FBXW10: variants seen among roughly 807,000 people sequenced by gnomAD.
FBXW10 encodes F-box and WD repeat domain containing 10, also known as F-box/WD repeat-containing protein 10.
A neutral mutation model predicts 113.1 loss-of-function variants in FBXW10; 68 were observed. That is an observed-to-expected ratio of 0.60 (90% CI 0.49 to 0.74). FBXW10 has a LOEUF of 0.74. Among genes scored for constraint, FBXW10 ranks in the 30% least tolerant of loss-of-function variants. The pLI is 0.00. For missense variants in FBXW10, 753 were observed against 1,284.5 expected, an observed-to-expected ratio of 0.59 and a Z score of 6.32; for synonymous variants, 289 against 481.6, an observed-to-expected ratio of 0.60 and a Z score of 5.24.
In FBXW10 at chr17:18,744,511, G is replaced by T; in HGVS notation, c.267G>T (p.Arg89Ser). The change falls in exon 1 of 14, where the codon AGG (arginine) becomes AGT (serine). Residue 89 changes from arginine to serine, a missense_variant. Coordinates refer to ENST00000395665, the MANE Select transcript of FBXW10 (RefSeq NM_001267585.2). ...AGGGAAAGGATTTCATCTATAACAG[G>T]TCCCGGATCAACCTCAGCAAGAAAG... ...TTQGKDFIYN[R>S]SRINLSKKEG... is the part of the protein sequence containing the mutation. 3 of 1,613,882 alleles carry T rather than the reference G, an allele frequency of 1.9e-6. No homozygotes were observed. Among genetic ancestry groups the T allele is most frequent in the Non-Finnish European group, 1.7e-6 (2 of 1,179,868 alleles).
rs17852531 is a variant in FBXW10, at chr17:18,749,875, G to A, written c.824G>A (p.Arg275Gln). The change falls in exon 3 of 14, where the codon CGA becomes CAA. Residue 275 changes from arginine to glutamine, a missense_variant. Coordinates refer to ENST00000395665, the MANE Select transcript of FBXW10 (RefSeq NM_001267585.2). Reference protein sequence around the residue: ...RDLSSGFSKYRDFIRYLPIHL... With the variant: ...RDLSSGFSKYQDFIRYLPIHL... Reference sequence around the variant, plus strand: ...CTGTCTTCTGGGTTCAGCAAATACCGAGACTTCATCCGTTACCTGCCCATC... The same window carrying A: ...CTGTCTTCTGGGTTCAGCAAATACCAAGACTTCATCCGTTACCTGCCCATC... 4.3e-6 allele frequency: 7 copies of A among 1,613,518 alleles called. No individual in the cohort carries two copies. The highest frequency in any genetic ancestry group is 2.2e-5 in the East Asian group (1 of 44,880).
In FBXW10 at chr17:18,744,167, T is replaced by C; in HGVS notation, c.-78T>C. On this transcript the variant is annotated 5_prime_UTR_variant, in exon 1 of 14. Transcript: ENST00000395665. ...AGGCACAACTGGGGTATTTATTCAT[T>C]CCCCCCGTTCCTCTAGTGTTTGGTG... is the stretch of plus-strand genomic sequence containing the variant. 6.5e-7 allele frequency: 1 copy of C among 1,532,038 alleles called. No individual in the cohort carries two copies. Among genetic ancestry groups the C allele is most frequent in the South Asian group, 1.3e-5 (1 of 77,134 alleles). 94.9% of individuals were successfully genotyped at this position (1,532,038 alleles called of 1,614,324 possible).
chr17:18,744,515 C>T lies in FBXW10; in HGVS notation c.271C>T (p.Arg91Trp), dbSNP rs767824789. Residue 91 changes from arginine to tryptophan, a missense_variant, in exon 1 of 14, where the codon CGG (arginine) becomes TGG (tryptophan). Arg to Trp is a moderately radical substitution (Grantham distance 101). Coordinates refer to ENST00000395665, the MANE Select transcript of FBXW10 (RefSeq NM_001267585.2). ...QGKDFIYNRSRINLSKKEGKV... is the reference protein window; with the variant it reads ...QGKDFIYNRSWINLSKKEGKV... Reference sequence around the variant, plus strand: ...AAAGGATTTCATCTATAACAGGTCCCGGATCAACCTCAGCAAGAAAGAGGG... The same window carrying T: ...AAAGGATTTCATCTATAACAGGTCCTGGATCAACCTCAGCAAGAAAGAGGG... 5.0e-6 allele frequency: 8 copies of T among 1,613,876 alleles called. No individual in the cohort carries two copies. Among genetic ancestry groups the T allele is most frequent in the South Asian group, 2.2e-5 (2 of 91,070 alleles).
intron 1 of FBXW10, 90 bp downstream of exon 1, chr17:18,744,839 A>G (rs999578056): frequency 1.9e-6 from 3 of 1,548,812 alleles, no homozygotes; most frequent in Non-Finnish European, 2.6e-6. Flanking sequence ...GTTGTAGACA[A>G]CATAGGTAGA....
chr17:18,778,640 C>G lies in FBXW10; in HGVS notation c.2501C>G (p.Pro834Arg). 1 of 1,613,818 alleles carries G rather than the reference C, an allele frequency of 6.2e-7. No homozygotes were observed. Among genetic ancestry groups the G allele is most frequent in the Non-Finnish European group, 8.5e-7 (1 of 1,179,850 alleles). Residue 834 changes from proline to arginine, a missense_variant, in exon 14 of 14, where the codon CCC becomes CGC. Coordinates refer to ENST00000395665, the MANE Select transcript of FBXW10 (RefSeq NM_001267585.2). ...CATAATTCCGGGGAATTTGCCTATC[C>G]CTGTAGGCCCCAAACAGAAATTACT... ...HAHNSGEFAYPCRPQTEITDV... is the reference protein window; with the variant it reads ...HAHNSGEFAYRCRPQTEITDV...
Position 18,747,922 on chromosome 17 carries a change from T to C in FBXW10, c.506-19T>C. ...CACCCGCTTCAAGAGCAACCTTGTC[T>C]TGGTCTTCTGTGTTTCAGGGCTCAA... On this transcript the variant is annotated intron_variant, in intron 1 of 13. Transcript: ENST00000395665. 1 of 1,613,890 alleles carries C rather than the reference T, an allele frequency of 6.2e-7. No individual in the cohort carries two copies. Among genetic ancestry groups the C allele is most frequent in the African/African-American group, 1.3e-5 (1 of 75,038 alleles).
In FBXW10 at chr17:18,749,815, G is replaced by C. The variant is rs758626362; in HGVS notation, c.764G>C (p.Cys255Ser). 1 of 1,614,050 alleles carries C rather than the reference G, an allele frequency of 6.2e-7. No individual in the cohort carries two copies. The highest frequency in any genetic ancestry group is 1.3e-5 in the African/African-American group (1 of 74,930). ...ATAACCAAGCCAGGGTACGATCCCT[G>C]CAATCTATTGGTTGACCTGGATGAC... is the stretch of plus-strand genomic sequence containing the variant. ...GDITKPGYDP[C>S]NLLVDLDDIR... Residue 255 changes from cysteine (C) to serine (S), a missense_variant, in exon 3 of 14, where the codon TGC becomes TCC. Transcript: ENST00000395665.
Position 18,747,943 on chromosome 17 carries a change from C to T in FBXW10, c.508C>T (p.Leu170Phe), listed in dbSNP as rs763068044. The change falls in exon 2 of 14, where the codon CTC (leucine) becomes TTC (phenylalanine). Residue 170 changes from leucine (L) to phenylalanine (F), a missense_variant and splice_region_variant. By Grantham distance (22) the Leu-to-Phe change is conservative (BLOSUM62 0). Transcript: ENST00000395665. ...FLREENNISG[L>F]NQDITDVCFS... ...TGTCTTGGTCTTCTGTGTTTCAGGG[C>T]TCAATCAAGACATCACAGATGTGTG... is the stretch of plus-strand genomic sequence containing the variant. The T allele has an allele frequency of 4.3e-6, 7 of 1,613,894 alleles. No homozygotes were observed. In the South Asian group the frequency reaches 7.7e-5, roughly 18 times the overall value.
intron 5 of FBXW10, among the ~76,000 whole-genome samples, chr17:18,753,832 C>T (rs1432349339): frequency 6.6e-6 from 1 of 151,792 alleles, no homozygotes; most frequent in Admixed American, 6.6e-5. Flanking sequence ...CGAGATCACG[C>T]CACTGCACCA....
chr17:18,761,150 T>A (rs1346839485), intron 7 of FBXW10, among the ~76,000 whole-genome samples: 2 of 152,218 alleles, frequency 1.3e-5, no homozygotes, highest in Non-Finnish European at 2.9e-5. Context: ...TCTAGTCCAC[T>A]GCCTTTCTGT....
chr17:18,749,990 G>C lies in FBXW10; in HGVS notation c.872-20G>C, dbSNP rs752721490. 1 of 1,613,938 alleles carries C rather than the reference G, an allele frequency of 6.2e-7. No homozygotes were observed. On this transcript the variant is annotated intron_variant, in intron 3 of 13. Coordinates refer to ENST00000395665, the MANE Select transcript of FBXW10 (RefSeq NM_001267585.2). ...CTTGGCCCAGTTCTGGGGTTTCTGG[G>C]TCCATCTTTTTTTTTCCAGGAATGC...
intron 10 of FBXW10, 25 bp downstream of exon 10, chr17:18,768,701 G>C (rs1289574215): frequency 6.2e-7 from 1 of 1,612,496 alleles, no homozygotes; most frequent in South Asian, 1.1e-5. Flanking sequence ...AGCCCGGAGC[G>C]ATGAACCTGG....
chr17:18,768,317 C>T (rs553489763), intron 9 of FBXW10, among the ~76,000 whole-genome samples: 5 of 152,286 alleles, frequency 3.3e-5, no homozygotes, highest in East Asian at 1.9e-4. Flanking sequence ...CCGCCCGCCT[C>T]GGCCTCCCAA....
chr17:18,760,158 C>T (rs989737537), intron 7 of FBXW10, among the ~76,000 whole-genome samples: 4 of 152,104 alleles, frequency 2.6e-5, no homozygotes, highest in Non-Finnish European at 5.9e-5. Context: ...ACAGTTTTGT[C>T]AATCTGATGG....
intron 6 of FBXW10, among the ~76,000 whole-genome samples, chr17:18,756,436 ATTTTG>A (rs1411819096): frequency 6.6e-6 from 1 of 152,072 alleles, no homozygotes; most frequent in Non-Finnish European, 1.5e-5. Flanking sequence ...AAATATCTTT[ATTTTG>A]TTTTATTAAT....
chr17:18,765,561 T>C (rs957327413), intron 8 of FBXW10, among the ~76,000 whole-genome samples: 1 of 152,252 alleles, frequency 6.6e-6, no homozygotes, highest in African/African-American at 2.4e-5. Flanking sequence ...GTCACACACC[T>C]TGAGTCATCG....
rs1361141171 is a variant in FBXW10 at position 18,752,419 on chromosome 17, A to G, written c.1122+1366A>G. Among the ~76,000 whole-genome samples, 4 of 152,334 alleles carry G rather than the reference A, an allele frequency of 2.6e-5. No homozygotes were observed. In the East Asian group the frequency reaches 5.8e-4, roughly 22 times the overall value. ...GTTTTAAAAACTACATAGGCCAAAGAAAACACATTTCTGGGCCAGGTGCAG... is the reference window on the plus strand; with the variant it reads ...GTTTTAAAAACTACATAGGCCAAAGGAAACACATTTCTGGGCCAGGTGCAG... On this transcript the variant is annotated intron_variant, in intron 5 of 13. Transcript: ENST00000395665.
intron 7 of FBXW10, among the ~76,000 whole-genome samples, chr17:18,762,536 A>T (rs2035407281): frequency 6.6e-6 from 1 of 151,360 alleles, no homozygotes; most frequent in Non-Finnish European, 1.5e-5. Context: ...GTTGGCCAGG[A>T]TGGTCTCAAT....
At chr17:18,767,897 C>T (rs1366731774) in intron 9 of FBXW10, among the ~76,000 whole-genome samples, 4 of 152,202 alleles carry the variant, frequency 2.6e-5, no homozygotes. Context: ...GTCCCAAACA[C>T]AGACCCACCA....
Sources: gnomAD v4.1 joint callset for allele counts (sites outside exome capture counted in the v4.1 genomes callset) on GRCh38, gnomAD v4.1.1 for gene constraint, MANE v1.5 for transcripts, NCBI Gene and HGNC (gene_info 2026-07-23, HGNC 2026-07-21) for gene names.